CDNF: variants seen among roughly 807,000 people sequenced by gnomAD.
CDNF encodes cerebral dopamine neurotrophic factor, also known as ARMET-like protein 1.
In CDNF, 9 loss-of-function variants were observed where a neutral mutation model predicts 14.8. That is an observed-to-expected ratio of 0.61 (90% CI 0.37 to 1.06). The LOEUF (loss-of-function observed/expected upper bound fraction) is 1.06. CDNF is among the 50% of genes least tolerant of loss of function. CDNF has a pLI of 0.01. For missense variants in CDNF, 228 were observed against 228.4 expected (o/e 1.00, Z 0.01); for synonymous variants, 86 against 87.2 (o/e 0.99, Z 0.07).
At chr10:14,824,379 G>A (rs1833761967) in intron 3 of CDNF, among the ~76,000 whole-genome samples, 1 of 152,164 alleles carries the variant, frequency 6.6e-6, no homozygotes, top group Non-Finnish European at 1.5e-5. Flanking sequence ...GACAAGGCAG[G>A]TGGATCACCT....
At chr10:14,826,161 A>AGAAGCAGCAGC (rs1833787897) in intron 2 of CDNF, among the ~76,000 whole-genome samples, 5 of 147,130 alleles carry the variant, frequency 3.4e-5, no homozygotes, top group African/African-American at 1.3e-4. Flanking sequence ...GAAGAAGAAG[A>AGAAGCAGCAGC]AGAAGCAGAA....
chr10:14,837,824 C>G lies in CDNF; in HGVS notation c.115+8G>C, dbSNP rs751967455. 1.9e-6 allele frequency: 3 copies of G among 1,553,756 alleles called. No homozygotes were observed. Among genetic ancestry groups the G allele is most frequent in the Non-Finnish European group, 2.6e-6 (3 of 1,144,266 alleles). On this transcript the variant is annotated splice_region_variant and intron_variant, in intron 1 of 3. Transcript: ENST00000465530. ...CGCCGCCATGCAAGCAGTTGTCACA[C>G]CGCTCACCTTCACAGTCGGCCCCTG...
rs534303352 is a variant in CDNF at position 14,837,854 on chromosome 10, C to T, written c.93G>A (p.Gly31=). ...CACCTTCACAGTCGGCCCCTGGCCG[C>T]CCCCCGGCCTCCTGGCCCTGCGTCA... The part of the protein sequence containing the change: ...PVLTQGQEAG[G]RPGADCEVCK... Residue 31 remains glycine, a synonymous_variant, in exon 1 of 4, where the codon GGG becomes GGA. Transcript: ENST00000465530. 7 of 1,595,738 alleles carry T rather than the reference C, an allele frequency of 4.4e-6. No homozygotes were observed. Among genetic ancestry groups the T allele is most frequent in the East Asian group, 2.3e-5 (1 of 44,400 alleles).
Position 14,838,023 on chromosome 10 carries a change from T to A in CDNF, c.-77A>T. On this transcript the variant is annotated 5_prime_UTR_variant, in exon 1 of 4. Transcript: ENST00000465530. ...AGCTGCCAAAGCGAGCTGAGCAGAA[T>A]TCGAGGTTGGAAAGAATCTGCCAGT... The A allele has an allele frequency of 8.9e-7, 1 of 1,120,872 alleles. No homozygotes were observed. The highest frequency in any genetic ancestry group is 1.3e-6 in the Non-Finnish European group (1 of 771,400). The allele number at this position is 1,120,872 out of a possible 1,614,324, so 69.4% of individuals were successfully genotyped here. A position where few individuals can be genotyped will look rare whatever the true frequency, so the allele number is the denominator to read the frequency against.
intron 3 of CDNF, among the ~76,000 whole-genome samples, chr10:14,821,740 G>C (rs2131621135): frequency 6.6e-6 from 1 of 152,272 alleles, no homozygotes. Flanking sequence ...CTACCATTTG[G>C]AGCATTCTCA....
chr10:14,834,201 G>T (rs564171791), intron 1 of CDNF: 1 of 152,022 alleles, frequency 6.6e-6, no homozygotes, highest in African/African-American at 2.4e-5. Flanking sequence ...AATTTGCTGG[G>T]TGTAATGACA....
At chr10:14,825,434 G>A (rs1262624579) in intron 3 of CDNF, 45 bp downstream of exon 3, 4 of 1,575,108 alleles carry the variant, frequency 2.5e-6, no homozygotes, top group Non-Finnish European at 2.6e-6. Flanking sequence ...TAGAGGTTTG[G>A]GAATCCATTG....
At chr10:14,820,219 T>C in intron 3 of CDNF, 61 bp from the exon 4 acceptor site, 1 of 1,549,580 alleles carries the variant, frequency 6.5e-7, no homozygotes, top group Non-Finnish European at 8.8e-7. Flanking sequence ...TCCCTATGAA[T>C]CACTTCAAAA....
intron 1 of CDNF, chr10:14,834,079 A>T (rs1299534367): frequency 6.6e-6 from 1 of 152,168 alleles, no homozygotes; most frequent in Admixed American, 6.5e-5. Flanking sequence ...GGGAGTTCAC[A>T]CTTGTAATCC....
intron 2 of CDNF, among the ~76,000 whole-genome samples, chr10:14,826,216 A>G (rs530214333): frequency 6.7e-6 from 1 of 149,614 alleles, no homozygotes; most frequent in Admixed American, 6.6e-5. Flanking sequence ...AAGAAGAAGA[A>G]GAAGCAGAAG....
intron 2 of CDNF, among the ~76,000 whole-genome samples, chr10:14,826,095 A>AAGCAGCAGCAGCAGCAGC (rs71505046): frequency 1.1e-5 from 1 of 87,542 alleles, no homozygotes; most frequent in African/African-American, 5.1e-5. Flanking sequence ...GAAGAAGAAG[A>AAGCAGCAGCAGCAGCAGC]AGCAGCAGCA....
intron 2 of CDNF, 134 bp downstream of exon 2, chr10:14,828,011 C>A: frequency 1.3e-6 from 1 of 786,092 alleles, no homozygotes. Flanking sequence ...AGATGGATTT[C>A]TGCTTGCTGC....
intron 1 of CDNF, among the ~76,000 whole-genome samples, chr10:14,832,760 T>C (rs946802442): frequency 6.6e-6 from 1 of 151,092 alleles, no homozygotes; most frequent in Non-Finnish European, 1.5e-5. Context: ...GCCAAGAAAC[T>C]GGAACCGTGG....
At chr10:14,829,144 C>T (rs1206118253) in intron 1 of CDNF, among the ~76,000 whole-genome samples, 3 of 152,172 alleles carry the variant, frequency 2.0e-5, no homozygotes, top group East Asian at 1.9e-4. Context: ...ATCATTGGAA[C>T]GAAGTTCTAC....
chr10:14,828,118 G>A, intron 2 of CDNF, 27 bp downstream of exon 2: 1 of 1,611,198 alleles, frequency 6.2e-7, no homozygotes. Flanking sequence ...AGCACATGGG[G>A]AAAATGAAAG....
intron 1 of CDNF, among the ~76,000 whole-genome samples, chr10:14,835,579 T>C (rs1353690443): frequency 6.6e-6 from 1 of 152,236 alleles, no homozygotes; most frequent in Admixed American, 6.5e-5. Context: ...ATGTCTTTAT[T>C]GCTAAAATAA....
chr10:14,827,507 GATTA>G (rs1273826938), intron 2 of CDNF, among the ~76,000 whole-genome samples: 2 of 152,240 alleles, frequency 1.3e-5, no homozygotes, highest in East Asian at 1.9e-4. Context: ...TGATAAGTTT[GATTA>G]ATTGTCTTGG....
intron 1 of CDNF, among the ~76,000 whole-genome samples, chr10:14,829,350 C>T (rs1833825142): frequency 6.6e-6 from 1 of 152,280 alleles, no homozygotes; most frequent in African/African-American, 2.4e-5. Flanking sequence ...GTGGATCACA[C>T]CTGTAATCCC....
intron 1 of CDNF, among the ~76,000 whole-genome samples, chr10:14,829,130 A>G (rs1052253186): frequency 6.6e-6 from 1 of 152,258 alleles, no homozygotes; most frequent in Non-Finnish European, 1.5e-5. Context: ...TATTGAATCA[A>G]TCAATCATTG....
Sources: gnomAD v4.1 joint callset for allele counts (sites outside exome capture counted in the v4.1 genomes callset) on GRCh38, gnomAD v4.1.1 for gene constraint, MANE v1.5 for transcripts, NCBI Gene and HGNC (gene_info 2026-07-23, HGNC 2026-07-21) for gene names.